The following PLXDC2 variants were observed in gnomAD, a reference collection of about 807,000 sequenced individuals.
The protein encoded by PLXDC2 is plexin domain containing 2, also known as plexin domain-containing protein 2.
PLXDC2 carries 40 observed loss-of-function variants against 68.9 expected under a neutral mutation model. The ratio of observed to expected loss-of-function variants is 0.58; its 90% CI spans 0.45 to 0.76. The LOEUF (loss-of-function observed/expected upper bound fraction) is 0.76, where lower values mean the gene tolerates loss of function less well. PLXDC2 is among the 30% of genes least tolerant of loss of function. The pLI is 0.00. For missense variants in PLXDC2, 644 were observed against 661.9 expected (o/e 0.97, Z 0.30); for synonymous variants, 243 against 234.2 (o/e 1.04, Z -0.34).
At chr10:19,861,338 T>C (rs2131335156) in intron 1 of PLXDC2, among the ~76,000 whole-genome samples, 1 of 152,230 alleles carries the variant, frequency 6.6e-6, no homozygotes, top group East Asian at 1.9e-4. Context: ...CCCAGCGTGC[T>C]GGATACTTTT....
intron 1 of PLXDC2, among the ~76,000 whole-genome samples, chr10:19,825,128 GA>G (rs1422109981): frequency 4.6e-5 from 7 of 152,196 alleles, no homozygotes; most frequent in Non-Finnish European, 7.3e-5. Flanking sequence ...ATTTTGTCAA[GA>G]GAGGGTCACA....
chr10:20,010,591 C>T (rs924379028), intron 2 of PLXDC2, among the ~76,000 whole-genome samples: 1 of 152,144 alleles, frequency 6.6e-6, no homozygotes, highest in African/African-American at 2.4e-5. Context: ...CTCTTTGATG[C>T]TTCACTGTTA....
At chr10:20,113,968 A>T (rs1313858410) in intron 4 of PLXDC2, among the ~76,000 whole-genome samples, 1 of 152,128 alleles carries the variant, frequency 6.6e-6, no homozygotes, top group East Asian at 1.9e-4. Flanking sequence ...TACTAAAAAT[A>T]TAAAAATTAG....
At chr10:19,893,197 G>A (rs1837997872) in intron 1 of PLXDC2, among the ~76,000 whole-genome samples, 1 of 152,132 alleles carries the variant, frequency 6.6e-6, no homozygotes. Flanking sequence ...CACACATTTA[G>A]CTAGGAGTCT....
At chr10:19,922,548 G>C (rs989937301) in intron 1 of PLXDC2, among the ~76,000 whole-genome samples, 26 of 152,262 alleles carry the variant, frequency 1.7e-4, no homozygotes, top group African/African-American at 5.8e-4. Context: ...GGTTGGGTTT[G>C]TTGGAGGCTT....
intron 2 of PLXDC2, among the ~76,000 whole-genome samples, chr10:20,015,341 T>G (rs1835192604): frequency 6.6e-6 from 1 of 152,152 alleles, no homozygotes; most frequent in African/African-American, 2.4e-5. Flanking sequence ...TGGCAATTTG[T>G]ATGTGTGTGC....
chr10:19,879,838 G>T (rs1837697344), intron 1 of PLXDC2, among the ~76,000 whole-genome samples: 1 of 152,120 alleles, frequency 6.6e-6, no homozygotes, highest in South Asian at 2.1e-4. Context: ...AGTTGATTGG[G>T]TTCTCTTGGC....
At chr10:19,944,411 C>CA (rs59673960) in intron 1 of PLXDC2, among the ~76,000 whole-genome samples, 394 of 131,348 alleles carry the variant, frequency 3.0e-3, no homozygotes, top group Non-Finnish European at 3.4e-3. Flanking sequence ...GGTAACTTTT[C>CA]AAAAAAAAAA....
intron 9 of PLXDC2, among the ~76,000 whole-genome samples, chr10:20,204,643 G>C (rs1834966151): frequency 1.3e-5 from 2 of 152,090 alleles, no homozygotes; most frequent in South Asian, 4.1e-4. Flanking sequence ...TTTACATATA[G>C]AGCATAGTTA....
intron 4 of PLXDC2, among the ~76,000 whole-genome samples, chr10:20,135,747 T>C (rs1281212417): frequency 6.6e-6 from 1 of 152,204 alleles, no homozygotes; most frequent in Non-Finnish European, 1.5e-5. Context: ...CTTGTTGCTT[T>C]TTTCCCCCAA....
chr10:20,168,953 G>T (rs1347050811), intron 7 of PLXDC2, among the ~76,000 whole-genome samples: 4 of 152,056 alleles, frequency 2.6e-5, no homozygotes, highest in Non-Finnish European at 5.9e-5. Context: ...TTGGCATTAT[G>T]CTGTAAATTA....
At chr10:19,997,010 C>A (rs184771200) in intron 1 of PLXDC2, among the ~76,000 whole-genome samples, 3 of 152,268 alleles carry the variant, frequency 2.0e-5, no homozygotes, top group East Asian at 3.9e-4. Flanking sequence ...CACAGCCAAA[C>A]CATATCAGCA....
chr10:19,999,988 G>A (rs1834907369), intron 1 of PLXDC2, among the ~76,000 whole-genome samples: 1 of 152,108 alleles, frequency 6.6e-6, no homozygotes, highest in Non-Finnish European at 1.5e-5. Flanking sequence ...TCCAGCCCAA[G>A]AGTCCTGGAT....
chr10:20,080,935 G>A (rs1836545371), intron 4 of PLXDC2, among the ~76,000 whole-genome samples: 1 of 152,134 alleles, frequency 6.6e-6, no homozygotes, highest in Non-Finnish European at 1.5e-5. Flanking sequence ...ATTTCAGTGT[G>A]GATTGGCCTA....
intron 10 of PLXDC2, among the ~76,000 whole-genome samples, chr10:20,216,402 G>A (rs1250475920): frequency 6.6e-6 from 1 of 152,100 alleles, no homozygotes; most frequent in Non-Finnish European, 1.5e-5. Flanking sequence ...GCTCAGAGGT[G>A]CAGGAACTGG....
intron 9 of PLXDC2, among the ~76,000 whole-genome samples, chr10:20,180,971 T>G (rs191053153): frequency 1.3e-5 from 2 of 152,056 alleles, no homozygotes; most frequent in Admixed American, 6.6e-5. Context: ...CTTACCAAGA[T>G]TGTGCATTCA....
At chr10:19,955,063 G>A (rs923127723) in intron 1 of PLXDC2, among the ~76,000 whole-genome samples, 7 of 142,598 alleles carry the variant, frequency 4.9e-5, no homozygotes, top group Non-Finnish European at 4.5e-5. Flanking sequence ...TTCTCCTTCT[G>A]CCTTTCACTG....
intron 7 of PLXDC2, 137 bp downstream of exon 7, chr10:20,164,704 T>C: frequency 2.8e-6 from 2 of 713,250 alleles, no homozygotes; most frequent in East Asian, 5.4e-5. Context: ...TTAATTCTGT[T>C]GTTTGCTTTA....
chr10:19,957,521 A>C (rs1189921918), intron 1 of PLXDC2, among the ~76,000 whole-genome samples: 6 of 152,130 alleles, frequency 3.9e-5, no homozygotes, highest in African/African-American at 1.4e-4. Context: ...ATACGCTGGA[A>C]ATATCTTCTT....
Sources: allele counts gnomAD v4.1 joint callset (sites outside exome capture counted in the v4.1 genomes callset), GRCh38; gene constraint gnomAD v4.1.1; transcripts MANE v1.5; gene names NCBI Gene and HGNC (gene_info 2026-07-23, HGNC 2026-07-21).